APCDD1L: variants seen among roughly 807,000 people sequenced by gnomAD.
APCDD1L encodes APC down-regulated 1 like.
In APCDD1L, 21 loss-of-function variants were observed where a neutral mutation model predicts 24.2. The ratio of observed to expected loss-of-function variants is 0.87; its 90% CI spans 0.61 to 1.25. The LOEUF is 1.25. Ranked by LOEUF, APCDD1L falls within the 50% of genes most tolerant of loss-of-function variation. The pLI is 0.00. For missense variants in APCDD1L, 704 were observed against 711.7 expected (o/e 0.99, Z 0.12); for synonymous variants, 321 against 323.6 (o/e 0.99, Z 0.09).
In APCDD1L at chr20:58,467,692, A is replaced by C; in HGVS notation, c.189-34T>G. The stretch of plus-strand genomic sequence containing the variant: ...GTGGAAGGAGATGGGCTGGGTGCAG[A>C]GGGAACACCGCGCCGCGAGCCCCTC... On this transcript the variant is annotated intron_variant, in intron 2 of 3. Coordinates refer to ENST00000371149, the MANE Select transcript of APCDD1L (RefSeq NM_153360.3). This position sits in a 1 kb window ranked among gnomAD's most constrained non-coding sequence, Gnocchi z 5.9. 1 of 1,441,790 alleles carries C rather than the reference A, an allele frequency of 6.9e-7. No individual in the cohort carries two copies. Among genetic ancestry groups the C allele is most frequent in the South Asian group, 1.5e-5 (1 of 64,694 alleles). 89.3% of individuals were successfully genotyped at this position (1,441,790 alleles called of 1,614,324 possible).
chr20:58,513,376 C>CGCTCCCAG (rs1990668672), intron 1 of APCDD1L, among the ~76,000 whole-genome samples: 1 of 152,182 alleles, frequency 6.6e-6, no homozygotes, highest in African/African-American at 2.4e-5. Flanking sequence ...TGTCACCTCT[C>CGCTCCCAG]GCTCCCAGAC....
chr20:58,475,461 G>A (rs1054430567), intron 1 of APCDD1L, among the ~76,000 whole-genome samples: 4 of 152,046 alleles, frequency 2.6e-5, no homozygotes, highest in Non-Finnish European at 4.4e-5. Context: ...AAAGGTGATT[G>A]ATCTGAACTT....
At position 58,508,950 on chromosome 20, in the gene APCDD1L, G is replaced by A. The variant is rs1248411938; in HGVS notation, c.49+5709C>T. On this transcript the variant is annotated intron_variant, in intron 1 of 3. Coordinates refer to ENST00000371149, the MANE Select transcript of APCDD1L (RefSeq NM_153360.3). This position sits in a 1 kb window ranked among gnomAD's most constrained non-coding sequence, Gnocchi z 4.0. ...TGAGTGTGCGTGAGTGTGTGTGAGTGTGCATGTGTGTCTGTGTGCGCACGT... is the reference window on the plus strand; with the variant it reads ...TGAGTGTGCGTGAGTGTGTGTGAGTATGCATGTGTGTCTGTGTGCGCACGT... 3.3e-5 allele frequency among the ~76,000 whole-genome samples: 5 copies of A among 151,900 alleles called. No individual in the cohort carries two copies. Among genetic ancestry groups the A allele is most frequent in the African/African-American group, 9.7e-5 (4 of 41,342 alleles).
rs139768625 is a variant in APCDD1L at position 58,477,113 on chromosome 20, T to C, written c.50-6366A>G. Among the ~76,000 whole-genome samples, 11 of 152,382 alleles carry C rather than the reference T, an allele frequency of 7.2e-5. No individual in the cohort carries two copies. The East Asian group carries it at 2.1e-3, about 29-fold the overall frequency. On this transcript the variant is annotated intron_variant, in intron 1 of 3. Coordinates refer to ENST00000371149, the MANE Select transcript of APCDD1L (RefSeq NM_153360.3). ...AAGTGGTAGAAAGAGTTCTAGTGTATGCTTTGTCCAGTTTCTCTACAGGTT... is the reference window on the plus strand; with the variant it reads ...AAGTGGTAGAAAGAGTTCTAGTGTACGCTTTGTCCAGTTTCTCTACAGGTT...
chr20:58,479,609 T>C (rs1989985760), intron 1 of APCDD1L, among the ~76,000 whole-genome samples: 1 of 151,858 alleles, frequency 6.6e-6, no homozygotes, highest in Non-Finnish European at 1.5e-5. Flanking sequence ...TTTTTTTTTT[T>C]TTTCTTAAAA....
At chr20:58,464,932 G>A (rs1302777604) in intron 3 of APCDD1L, among the ~76,000 whole-genome samples, 2 of 150,908 alleles carry the variant, frequency 1.3e-5, no homozygotes, top group Non-Finnish European at 2.9e-5. Context: ...ATCTGGCACC[G>A]TTCATCACTG....
intron 1 of APCDD1L, among the ~76,000 whole-genome samples, chr20:58,500,372 A>G (rs545667579): frequency 1.3e-5 from 2 of 151,746 alleles, no homozygotes; most frequent in East Asian, 1.9e-4. Context: ...GGCATTTGCT[A>G]CCCTCCCACC....
rs975806110 is a variant in APCDD1L, at chr20:58,464,099, G to A, written c.742-2545C>T. On this transcript the variant is annotated intron_variant, in intron 3 of 3. Transcript: ENST00000371149. The stretch of plus-strand genomic sequence containing the variant: ...GAGCAAGCAAGCTTGATAGTTAGCC[G>A]GAGTGTTGGTGATTGGGATGCCGGC... 2.0e-5 allele frequency among the ~76,000 whole-genome samples: 3 copies of A among 152,036 alleles called. No homozygotes were observed. The East Asian group carries it at 5.8e-4, about 29-fold the overall frequency.
chr20:58,460,711 C>T lies in APCDD1L; in HGVS notation c.*79G>A. ...CATGACAGAGCAGAGGAGAATGGTT[C>T]CTTCCCTACAGCTGCCAGGAGGGAG... On this transcript the variant is annotated 3_prime_UTR_variant, in exon 4 of 4. Transcript: ENST00000371149. The surrounding 1 kb of genome is among the most constrained non-coding windows in gnomAD (Gnocchi z 4.2). 1 of 1,441,780 alleles carries T rather than the reference C, an allele frequency of 6.9e-7. No individual in the cohort carries two copies. Among genetic ancestry groups the T allele is most frequent in the Non-Finnish European group, 9.2e-7 (1 of 1,083,100 alleles). 89.3% of individuals were successfully genotyped at this position (1,441,780 alleles called of 1,614,324 possible).
At chr20:58,481,989 G>A (rs1036399982) in intron 1 of APCDD1L, among the ~76,000 whole-genome samples, 4 of 152,196 alleles carry the variant, frequency 2.6e-5, no homozygotes, top group African/African-American at 9.7e-5. Context: ...AAGGGCATGT[G>A]GGAAGCTTCA....
At position 58,461,509 on chromosome 20, in the gene APCDD1L, C is replaced by G. The variant is rs894992227; in HGVS notation, c.787G>C (p.Asp263His). 6.9e-7 allele frequency: 1 copy of G among 1,449,764 alleles called. No individual in the cohort carries two copies. The highest frequency in any genetic ancestry group is 9.1e-7 in the Non-Finnish European group (1 of 1,097,214). 89.8% of individuals were successfully genotyped at this position (1,449,764 alleles called of 1,614,324 possible). Reference protein sequence around the residue: ...CPACGLIARSDVHHPPVLPPP... With the variant: ...CPACGLIARSHVHHPPVLPPP... ...GGCAGCACGGGCGGGTGGTGCACAT[C>G]GGAGCGGGCAATGAGGCCACAGGCT... is the stretch of plus-strand genomic sequence containing the variant. Residue 263 changes from aspartate to histidine, a missense_variant, in exon 4 of 4, where the codon GAT becomes CAT. Asp to His is a moderately conservative substitution (Grantham distance 81). Coordinates refer to ENST00000371149, the MANE Select transcript of APCDD1L (RefSeq NM_153360.3). This position sits in a 1 kb window ranked among gnomAD's most constrained non-coding sequence, Gnocchi z 6.0.
chr20:58,467,446 A>T lies in APCDD1L; in HGVS notation c.401T>A (p.Ile134Asn). The change falls in exon 3 of 4, where the codon ATC becomes AAC. Residue 134 changes from isoleucine to asparagine, a missense_variant. By Grantham distance (149) the Ile-to-Asn change is moderately radical. Coordinates refer to ENST00000371149, the MANE Select transcript of APCDD1L (RefSeq NM_153360.3). This position sits in a 1 kb window ranked among gnomAD's most constrained non-coding sequence, Gnocchi z 5.9. ...CAGGGCCCGGCGGCTGTGGAAGACG[A>T]TGCCCACCTTGTGCAGGTGGTAGTC... is the stretch of plus-strand genomic sequence containing the variant. Reference protein sequence around the residue: ...EADYHLHKVGIVFHSRRALVD... With the variant: ...EADYHLHKVGNVFHSRRALVD... The T allele has an allele frequency of 6.3e-7, 1 of 1,586,562 alleles. No homozygotes were observed. The highest frequency in any genetic ancestry group is 8.6e-7 in the Non-Finnish European group (1 of 1,168,632).
In APCDD1L at chr20:58,470,718, C is replaced by CG; in HGVS notation, c.78dup (p.Gly27ArgfsTer18). On this transcript the variant is annotated frameshift_variant, in exon 2 of 4. Transcript: ENST00000371149. LOFTEE classifies it high-confidence loss of function. ...GGTTCCCAGCGCAGGCAGCTGCCCC[C>CG]GGCCTCCCCAGCCGCCGGTGCAGTG... 2 of 1,542,638 alleles carry CG rather than the reference C, an allele frequency of 1.3e-6. No individual in the cohort carries two copies. Among genetic ancestry groups the CG allele is most frequent in the Non-Finnish European group, 1.7e-6 (2 of 1,147,038 alleles).
At chr20:58,514,549 TG>T in intron 1 of APCDD1L, 109 bp downstream of exon 1, 1 of 1,099,744 alleles carries the variant, frequency 9.1e-7, no homozygotes, top group Non-Finnish European at 1.2e-6. Context: ...AGCAGCCGCG[TG>T]GGCCGACCCA....
intron 1 of APCDD1L, among the ~76,000 whole-genome samples, chr20:58,482,180 A>G (rs1276798114): frequency 6.6e-6 from 1 of 152,240 alleles, no homozygotes; most frequent in Non-Finnish European, 1.5e-5. Context: ...TCTTTCATAC[A>G]TTCAAAATAA....
At chr20:58,475,543 G>A (rs1392878379) in intron 1 of APCDD1L, among the ~76,000 whole-genome samples, 2 of 152,072 alleles carry the variant, frequency 1.3e-5, no homozygotes, top group Admixed American at 6.5e-5. Context: ...ATAAGGAGAT[G>A]TACAAGGGAC....
At chr20:58,504,262 G>A (rs2123189463) in intron 1 of APCDD1L, among the ~76,000 whole-genome samples, 1 of 152,264 alleles carries the variant, frequency 6.6e-6, no homozygotes, top group African/African-American at 2.4e-5. Context: ...AATCTTCCCT[G>A]GCTCTTCTCT....
chr20:58,479,155 G>A (rs896923220), intron 1 of APCDD1L, among the ~76,000 whole-genome samples: 1 of 152,124 alleles, frequency 6.6e-6, no homozygotes, highest in Non-Finnish European at 1.5e-5. Flanking sequence ...TAGTAGCCAT[G>A]TTAAAAAAGC....
At chr20:58,471,284 G>A (rs1989807732) in intron 1 of APCDD1L, among the ~76,000 whole-genome samples, 1 of 152,290 alleles carries the variant, frequency 6.6e-6, no homozygotes, top group South Asian at 2.1e-4. Context: ...CAGGCCCCTC[G>A]AGGCCACTCG....
Sources: gnomAD v4.1 joint callset for allele counts (sites outside exome capture counted in the v4.1 genomes callset) on GRCh38, gnomAD v4.1.1 for gene constraint, Gnocchi (gnomAD v3.1) non-coding constraint, MANE v1.5 for transcripts, NCBI Gene and HGNC (gene_info 2026-07-23, HGNC 2026-07-21) for gene names.